CHLSN: variants seen among roughly 807,000 people sequenced by gnomAD.
CHLSN encodes cholesin, also known as protein cholesin.
the CHLSN span, among the ~76,000 whole-genome samples, chr7:1,032,833 C>T: frequency 5.2e-4 from 79 of 152,220 alleles, no homozygotes; most frequent in Non-Finnish European, 7.1e-4. Flanking sequence ...GGGTACTGCA[C>T]GTATGTGGGC....
the CHLSN span, among the ~76,000 whole-genome samples, chr7:1,051,205 G>A: frequency 4.6e-5 from 7 of 152,218 alleles, no homozygotes; most frequent in Middle Eastern, 3.2e-3. Flanking sequence ...CCCAGAAAAC[G>A]GGGCGCCAGC....
chr7:1,029,747 A>G, the CHLSN span, among the ~76,000 whole-genome samples: 2 of 152,142 alleles, frequency 1.3e-5, no homozygotes, highest in Non-Finnish European at 2.9e-5. Context: ...GCCTGGGGAG[A>G]TGGTGTGGGC....
the CHLSN span, among the ~76,000 whole-genome samples, chr7:1,086,256 C>T: frequency 0.025 from 3,819 of 152,330 alleles, 73 homozygotes; most frequent in Admixed American, 0.037. Flanking sequence ...TGACATGTCT[C>T]AGCTATTTCA....
At chr7:1,038,438 T>G in the CHLSN span, among the ~76,000 whole-genome samples, 1 of 63,626 alleles carries the variant, frequency 1.6e-5, no homozygotes, top group African/African-American at 8.6e-5. Flanking sequence ...GATGGGGGGG[T>G]CAGCCCCCCA....
the CHLSN span, among the ~76,000 whole-genome samples, chr7:1,016,487 A>AAAG: frequency 6.3e-5 from 9 of 142,044 alleles, no homozygotes; most frequent in Middle Eastern, 3.7e-3. Flanking sequence ...ACAGCAGCAC[A>AAAG]CAGCAGCGCA....
chr7:1,095,845 C>T, the CHLSN span, among the ~76,000 whole-genome samples: 3 of 152,278 alleles, frequency 2.0e-5, no homozygotes, highest in African/African-American at 7.2e-5. Flanking sequence ...GCACGCCATG[C>T]AGAAATCATA....
At chr7:1,040,543 G>T in the CHLSN span, among the ~76,000 whole-genome samples, 1 of 151,964 alleles carries the variant, frequency 6.6e-6, no homozygotes, top group Non-Finnish European at 1.5e-5. Context: ...CACAAAAAAT[G>T]AACTCAAATA....
At chr7:1,008,844 C>CACACACGCAA in the CHLSN span, among the ~76,000 whole-genome samples, 2 of 139,136 alleles carry the variant, frequency 1.4e-5, no homozygotes, top group African/African-American at 5.2e-5. Flanking sequence ...TATACACACG[C>CACACACGCAA]ACACACGTAA....
the CHLSN span, among the ~76,000 whole-genome samples, chr7:1,030,298 AC>A: frequency 3.3e-5 from 5 of 152,062 alleles, no homozygotes; most frequent in African/African-American, 1.2e-4. Flanking sequence ...TCGCACAGCC[AC>A]CCGCCTCCAC....
At chr7:1,057,918 C>T in the CHLSN span, 34 of 775,078 alleles carry the variant, frequency 4.4e-5, no homozygotes, top group East Asian at 7.5e-4. Context: ...TGCACTGCCG[C>T]GGACCTACAT....
the CHLSN span, among the ~76,000 whole-genome samples, chr7:985,482 C>T: frequency 2.0e-5 from 3 of 152,210 alleles, no homozygotes; most frequent in Admixed American, 6.5e-5. Flanking sequence ...ACCCATCCGA[C>T]GTTAGCTGGT....
chr7:1,027,231 C>G, the CHLSN span, among the ~76,000 whole-genome samples: 12 of 152,254 alleles, frequency 7.9e-5, no homozygotes, highest in Admixed American at 7.2e-4. Flanking sequence ...TCAGTGAACA[C>G]AACGAATTCA....
At chr7:1,123,597 CT>C in the CHLSN span, among the ~76,000 whole-genome samples, 103 of 147,086 alleles carry the variant, frequency 7.0e-4, 1 homozygote, top group Admixed American at 8.1e-4. This position sits in a 1 kb window ranked among gnomAD's most constrained non-coding sequence, Gnocchi z 4.4. Flanking sequence ...ACGCTTGAAA[CT>C]TTTTTTTTTT....
At chr7:1,132,036 C>T in the CHLSN span, among the ~76,000 whole-genome samples, 15 of 152,220 alleles carry the variant, frequency 9.9e-5, no homozygotes, top group Admixed American at 2.0e-4. Context: ...CCCTACCTCA[C>T]ACCATACACA....
At chr7:1,006,682 G>A in the CHLSN span, among the ~76,000 whole-genome samples, 1 of 145,724 alleles carries the variant, frequency 6.9e-6, no homozygotes, top group Non-Finnish European at 1.5e-5. Flanking sequence ...GGGAAAGAGC[G>A]CACGACGGTC....
the CHLSN span, among the ~76,000 whole-genome samples, chr7:1,017,465 C>T: frequency 2.0e-5 from 3 of 152,190 alleles, no homozygotes; most frequent in African/African-American, 7.2e-5. Flanking sequence ...GCGCTGCTGT[C>T]CTACGATGTC....
the CHLSN span, among the ~76,000 whole-genome samples, chr7:988,001 T>G: frequency 3.6e-5 from 2 of 54,902 alleles, no homozygotes; most frequent in Admixed American, 1.8e-4. Flanking sequence ...CTGTGTGTCC[T>G]GGGGGGTCCC....
chr7:1,051,558 G>C, the CHLSN span, among the ~76,000 whole-genome samples: 1 of 152,250 alleles, frequency 6.6e-6, no homozygotes, highest in Admixed American at 6.5e-5. Flanking sequence ...CCTTGAAGCT[G>C]TAAAGACCTC....
the CHLSN span, among the ~76,000 whole-genome samples, chr7:1,001,353 C>CCCTGTGGGTGGGGAGT: frequency 1.4e-5 from 2 of 141,946 alleles, no homozygotes; most frequent in African/African-American, 2.6e-5. Flanking sequence ...GGGTGTGGAG[C>CCCTGTGGGTGGGGAGT]CCTGTGGGTG....
Sources: gnomAD v4.1 joint callset for allele counts (sites outside exome capture counted in the v4.1 genomes callset) on GRCh38, gnomAD v4.1.1 for gene constraint, Gnocchi (gnomAD v3.1) non-coding constraint, MANE v1.5 for transcripts, NCBI Gene and HGNC (gene_info 2026-07-23, HGNC 2026-07-21) for gene names.